PMFBP1: variants seen among roughly 807,000 people sequenced by gnomAD.
PMFBP1 encodes the protein polyamine modulated factor 1 binding protein 1.
PMFBP1 carries 131 observed loss-of-function variants against 137.8 expected under a neutral mutation model. The ratio of observed to expected loss-of-function variants is 0.95; its 90% CI spans 0.82 to 1.10. The LOEUF (loss-of-function observed/expected upper bound fraction) is 1.10. Among genes scored for constraint, PMFBP1 ranks in the 50% least tolerant of loss-of-function variants. PMFBP1 has a pLI of 0.00. For missense variants in PMFBP1, 1,199 were observed against 1,175.4 expected, an observed-to-expected ratio of 1.02 and a Z score of -0.29; for synonymous variants, 490 against 450.4, an observed-to-expected ratio of 1.09 and a Z score of -1.11.
chr16:72,233,407 T>G, the PMFBP1 span, among the ~76,000 whole-genome samples: 1 of 152,196 alleles, frequency 6.6e-6, no homozygotes, highest in Non-Finnish European at 1.5e-5. Context: ...ACATCTTTGT[T>G]GGGCTTGGAC....
At position 72,119,249 on chromosome 16, in the gene PMFBP1, G is replaced by T; in HGVS notation, c.*89C>A. On this transcript the variant is annotated 3_prime_UTR_variant, in exon 21 of 21. Coordinates refer to ENST00000237353, the MANE Select transcript of PMFBP1 (RefSeq NM_031293.3). The stretch of plus-strand genomic sequence containing the variant: ...ACCGTGATATACTCCTGTAAGAGCT[G>T]ATCCAGGTCAAGAGAGAGGGAGGGC... The T allele has an allele frequency of 2.1e-6, 3 of 1,427,972 alleles. No individual in the cohort carries two copies. The highest frequency in any genetic ancestry group is 1.2e-5 in the South Asian group (1 of 86,856). 88.5% of individuals were successfully genotyped at this position (1,427,972 alleles called of 1,614,324 possible). A position where few individuals can be genotyped will look rare whatever the true frequency, so the allele number is the denominator to read the frequency against.
chr16:72,127,643 T>C (rs550804952), intron 14 of PMFBP1, among the ~76,000 whole-genome samples: 1 of 152,244 alleles, frequency 6.6e-6, no homozygotes, highest in Non-Finnish European at 1.5e-5. Context: ...AGTATGTAAA[T>C]TATAGAACCA....
the PMFBP1 span, among the ~76,000 whole-genome samples, chr16:72,195,250 T>C: frequency 6.6e-6 from 1 of 152,306 alleles, no homozygotes; most frequent in Admixed American, 6.5e-5. Context: ...ATTGTCCTGT[T>C]GGGCTGGTCA....
At chr16:72,224,494 T>A in the PMFBP1 span, 2 of 152,342 alleles carry the variant, frequency 1.3e-5, no homozygotes, top group African/African-American at 4.8e-5. Context: ...CCTATCTCCT[T>A]TTCTAATTAC....
At chr16:72,223,046 T>A in the PMFBP1 span, among the ~76,000 whole-genome samples, 1 of 152,150 alleles carries the variant, frequency 6.6e-6, no homozygotes, top group African/African-American at 2.4e-5. Flanking sequence ...ACAGCCTCAC[T>A]GGGTCATGAA....
the PMFBP1 span, among the ~76,000 whole-genome samples, chr16:72,219,597 G>A: frequency 1.3e-5 from 2 of 152,116 alleles, no homozygotes; most frequent in Admixed American, 6.5e-5. Context: ...GTGAGGAGAT[G>A]TGTACTCAGT....
chr16:72,167,292 AC>A (rs1160068154), intron 2 of PMFBP1, among the ~76,000 whole-genome samples: 1 of 151,814 alleles, frequency 6.6e-6, no homozygotes, highest in African/African-American at 2.4e-5. Context: ...TAGTACCTGG[AC>A]TTTTTTTTTT....
the PMFBP1 span, among the ~76,000 whole-genome samples, chr16:72,206,767 C>G: frequency 6.6e-6 from 1 of 152,264 alleles, no homozygotes; most frequent in African/African-American, 2.4e-5. Flanking sequence ...ATTACCGTAG[C>G]TAAAAGTAAC....
intron 1 of PMFBP1, 77 bp from the exon 2 acceptor site, chr16:72,171,345 T>C (rs2043218264): frequency 1.0e-6 from 1 of 979,940 alleles, no homozygotes. Flanking sequence ...CAGCTGGATC[T>C]ATGCCCTCAG....
intron 3 of PMFBP1, among the ~76,000 whole-genome samples, chr16:72,160,928 A>G (rs548703603): frequency 3.9e-4 from 59 of 152,254 alleles, no homozygotes; most frequent in African/African-American, 1.4e-3. Context: ...CTTTTGAATC[A>G]GTTTCTCCTT....
intron 3 of PMFBP1, among the ~76,000 whole-genome samples, chr16:72,158,847 T>C (rs1387558053): frequency 2.6e-5 from 4 of 151,840 alleles, no homozygotes; most frequent in African/African-American, 9.7e-5. Context: ...GTAAAAAAAT[T>C]AGCCATGCAT....
chr16:72,157,188 A>T (rs1166300194), intron 3 of PMFBP1, among the ~76,000 whole-genome samples: 1 of 143,260 alleles, frequency 7.0e-6, no homozygotes, highest in Non-Finnish European at 1.6e-5. Flanking sequence ...CATCTCAAAA[A>T]AAAAAAAAAA....
chr16:72,239,915 A>AAAAAG, the PMFBP1 span, among the ~76,000 whole-genome samples: 1,050 of 144,948 alleles, frequency 7.2e-3, 23 homozygotes, highest in Non-Finnish European at 0.011. Context: ...AAAAAAAAAA[A>AAAAAG]AAGAATGTTC....
intron 4 of PMFBP1, among the ~76,000 whole-genome samples, chr16:72,153,433 A>G (rs1022458959): frequency 6.6e-6 from 1 of 152,070 alleles, no homozygotes; most frequent in Admixed American, 6.6e-5. Context: ...AACTCCTTGA[A>G]ATTTTATCTT....
the PMFBP1 span, among the ~76,000 whole-genome samples, chr16:72,245,715 C>T: frequency 6.8e-4 from 104 of 152,272 alleles, 2 homozygotes; most frequent in East Asian, 0.019. Context: ...TCCCAGGATG[C>T]CCCGGTCTGT....
At chr16:72,222,966 C>T in the PMFBP1 span, among the ~76,000 whole-genome samples, 2 of 152,058 alleles carry the variant, frequency 1.3e-5, no homozygotes, top group African/African-American at 4.8e-5. Context: ...AATTATTTGG[C>T]TCTTTCAAAT....
At chr16:72,161,543 G>A (rs1322054749) in intron 3 of PMFBP1, among the ~76,000 whole-genome samples, 1 of 151,844 alleles carries the variant, frequency 6.6e-6, no homozygotes, top group East Asian at 1.9e-4. Context: ...AGTGACTTCT[G>A]CTTGCCTGAC....
the PMFBP1 span, among the ~76,000 whole-genome samples, chr16:72,215,335 G>A: frequency 1.3e-5 from 2 of 151,294 alleles, no homozygotes; most frequent in Non-Finnish European, 2.9e-5. Flanking sequence ...GCACAGAAAG[G>A]TAAGGTAATA....
upstream of PMFBP1, among the ~76,000 whole-genome samples, chr16:72,175,243 T>G (rs1247726320): frequency 1.3e-5 from 2 of 152,234 alleles, no homozygotes; most frequent in Admixed American, 6.5e-5. Context: ...CAGGGTCTAA[T>G]TCTCCTGCTT....
Sources: gnomAD v4.1 joint callset for allele counts (sites outside exome capture counted in the v4.1 genomes callset) on GRCh38, gnomAD v4.1.1 for gene constraint, MANE v1.5 for transcripts, NCBI Gene and HGNC (gene_info 2026-07-23, HGNC 2026-07-21) for gene names.